SPAG16: variants seen among roughly 807,000 people sequenced by gnomAD.
SPAG16 encodes sperm associated antigen 16, also known as sperm-associated antigen 16 protein.
In SPAG16, 86 loss-of-function variants were observed where a neutral mutation model predicts 80.4. The ratio of observed to expected loss-of-function variants is 1.07; its 90% CI spans 0.90 to 1.28. The LOEUF is 1.28. Among genes scored for constraint, SPAG16 ranks in the 50% most tolerant of loss-of-function variants. The pLI is 0.00. For synonymous variants in SPAG16, 294 were observed against 265.9 expected, an observed-to-expected ratio of 1.11 and a Z score of -1.03; for missense variants, 870 against 765.3, an observed-to-expected ratio of 1.14 and a Z score of -1.61.
chr2:213,689,876 T>C (rs1246795218), intron 10 of SPAG16, among the ~76,000 whole-genome samples: 1 of 144,928 alleles, frequency 6.9e-6, no homozygotes, highest in Non-Finnish European at 1.5e-5. Context: ...GAAAGACTTG[T>C]TTATAATTTC....
intron 10 of SPAG16, among the ~76,000 whole-genome samples, chr2:213,758,732 A>G (rs2068483920): frequency 6.6e-6 from 1 of 152,176 alleles, no homozygotes; most frequent in Admixed American, 6.5e-5. Context: ...GAGGAGAAAG[A>G]GAAGAGAAAA....
chr2:214,066,194 A>G (rs750455515), intron 13 of SPAG16, among the ~76,000 whole-genome samples: 3 of 152,146 alleles, frequency 2.0e-5, no homozygotes, highest in Non-Finnish European at 4.4e-5. Flanking sequence ...TCATGAAATT[A>G]AAGAAGTCTG....
At chr2:213,413,852 G>T (rs2069115854) in intron 9 of SPAG16, among the ~76,000 whole-genome samples, 1 of 152,146 alleles carries the variant, frequency 6.6e-6, no homozygotes, top group Non-Finnish European at 1.5e-5. Context: ...ATCTAATAGT[G>T]TTTGGTACAT....
At chr2:213,875,522 C>T (rs758787469) in intron 11 of SPAG16, among the ~76,000 whole-genome samples, 1 of 152,160 alleles carries the variant, frequency 6.6e-6, no homozygotes, top group African/African-American at 2.4e-5. Flanking sequence ...TGAGAGGCTT[C>T]ATAGGAGTGG....
intron 15 of SPAG16, among the ~76,000 whole-genome samples, chr2:214,165,096 G>T (rs923851677): frequency 1.3e-5 from 2 of 152,100 alleles, no homozygotes; most frequent in Admixed American, 1.3e-4. Flanking sequence ...ACATTTAGAA[G>T]TGTTTAATTT....
chr2:213,675,248 T>C (rs1428991003), intron 10 of SPAG16, among the ~76,000 whole-genome samples: 1 of 152,222 alleles, frequency 6.6e-6, no homozygotes, highest in African/African-American at 2.4e-5. Flanking sequence ...TTTTTCCTTG[T>C]AAATTTGTTT....
chr2:213,935,677 A>G (rs534162980), intron 12 of SPAG16, among the ~76,000 whole-genome samples: 2 of 152,346 alleles, frequency 1.3e-5, no homozygotes, highest in East Asian at 3.9e-4. Flanking sequence ...AAAAACGCCA[A>G]GGATTTAAAT....
chr2:213,319,412 A>G (rs978703122), intron 5 of SPAG16, among the ~76,000 whole-genome samples: 10 of 151,908 alleles, frequency 6.6e-5, no homozygotes, highest in African/African-American at 2.2e-4. Flanking sequence ...TAAATTTTGT[A>G]TTGTCTATGG....
chr2:213,888,048 T>G (rs1342803161), intron 11 of SPAG16, among the ~76,000 whole-genome samples: 1 of 151,946 alleles, frequency 6.6e-6, no homozygotes, highest in Non-Finnish European at 1.5e-5. Flanking sequence ...TTAGTTTGTA[T>G]TTCTTTCAGA....
intron 15 of SPAG16, among the ~76,000 whole-genome samples, chr2:214,334,384 G>T (rs937739525): frequency 6.6e-6 from 1 of 152,174 alleles, no homozygotes; most frequent in Non-Finnish European, 1.5e-5. Context: ...GGAATCTGGG[G>T]ATTTAGGATT....
chr2:213,887,902 G>A (rs551807395), intron 11 of SPAG16, among the ~76,000 whole-genome samples: 23 of 151,722 alleles, frequency 1.5e-4, no homozygotes, highest in Admixed American at 1.2e-3. Context: ...AGGTAATTGC[G>A]ACAGTTACTT....
chr2:214,153,571 G>A (rs951487969), intron 15 of SPAG16, among the ~76,000 whole-genome samples: 2 of 152,092 alleles, frequency 1.3e-5, no homozygotes, highest in South Asian at 2.1e-4. Context: ...AGGGGTCTGA[G>A]AGGTCAACTC....
intron 10 of SPAG16, among the ~76,000 whole-genome samples, chr2:213,634,937 CAT>C (rs139895364): frequency 1.3e-5 from 2 of 150,774 alleles, no homozygotes; most frequent in African/African-American, 2.4e-5. Context: ...TTATTTCACT[CAT>C]ATATATATAT....
In SPAG16 at chr2:213,762,383, C is replaced by T. The variant is rs972993942; in HGVS notation, c.1071-100102C>T. Among the ~76,000 whole-genome samples the T allele has an allele frequency of 3.3e-5, 5 of 151,806 alleles. No homozygotes were observed. The East Asian group carries it at 9.6e-4, about 29-fold the overall frequency. ...ATTATATGTTATGTTCATTTTACCA[C>T]GATAAAAAATGGAGAAAACAACAAA... On this transcript the variant is annotated intron_variant, in intron 10 of 15. Coordinates refer to ENST00000331683, the MANE Select transcript of SPAG16 (RefSeq NM_024532.5).
chr2:213,431,260 C>T (rs550777327), intron 9 of SPAG16, among the ~76,000 whole-genome samples: 2 of 151,824 alleles, frequency 1.3e-5, no homozygotes, highest in African/African-American at 4.8e-5. Flanking sequence ...AACTAGATAA[C>T]AATTAATATT....
intron 10 of SPAG16, among the ~76,000 whole-genome samples, chr2:213,789,612 T>G (rs1331063267): frequency 6.6e-6 from 1 of 151,958 alleles, no homozygotes; most frequent in Non-Finnish European, 1.5e-5. Context: ...ATTCAACATT[T>G]GACAGTTCGG....
chr2:214,120,381 T>C (rs2054158387), intron 14 of SPAG16, among the ~76,000 whole-genome samples: 1 of 151,880 alleles, frequency 6.6e-6, no homozygotes, highest in Non-Finnish European at 1.5e-5. Context: ...TTCAACTTTG[T>C]CCATCCTTGT....
rs375349713 is a variant in SPAG16, at chr2:214,282,658, T to G, written c.1721-127482T>G. ...TTTGATTAATTTTTTTCTACAATCT[T>G]AGAATGAAAATTTTGGAGCAGAAAA... On this transcript the variant is annotated intron_variant, in intron 15 of 15. Transcript: ENST00000331683. 1.4e-4 allele frequency among the ~76,000 whole-genome samples: 22 copies of G among 152,266 alleles called. No homozygotes were observed. The East Asian group carries it at 4.0e-3, about 28-fold the overall frequency.
intron 15 of SPAG16, among the ~76,000 whole-genome samples, chr2:214,190,528 T>G (rs1385189321): frequency 6.6e-6 from 1 of 152,158 alleles, no homozygotes; most frequent in Non-Finnish European, 1.5e-5. Flanking sequence ...TTTTTACAAA[T>G]TTAAATGACT....
Sources: allele counts gnomAD v4.1 joint callset (sites outside exome capture counted in the v4.1 genomes callset), GRCh38; gene constraint gnomAD v4.1.1; transcripts MANE v1.5; gene names NCBI Gene and HGNC (gene_info 2026-07-23, HGNC 2026-07-21).